Variants in ARHGAP39 observed in about 807,000 individuals in gnomAD.
The protein encoded by ARHGAP39 is rho GTPase-activating protein 39.
ARHGAP39 carries 44 observed loss-of-function variants against 106.9 expected under a neutral mutation model. That is an observed-to-expected ratio of 0.41 (90% confidence interval 0.32 to 0.53). ARHGAP39 has a LOEUF of 0.53. Among genes scored for constraint, ARHGAP39 ranks in the 20% least tolerant of loss-of-function variants. The pLI, the probability that ARHGAP39 is intolerant of heterozygous loss-of-function variation, is 0.21. For synonymous variants in ARHGAP39, 768 were observed against 693.2 expected (o/e 1.11, Z -1.69); for missense variants, 1,496 against 1,577.3 (o/e 0.95, Z 0.87).
At chr8:144,533,684 G>A (rs563566894) in intron 8 of ARHGAP39, among the ~76,000 whole-genome samples, 1 of 152,366 alleles carries the variant, frequency 6.6e-6, no homozygotes, top group East Asian at 1.9e-4. Flanking sequence ...GTCCTGGGCC[G>A]GCCAGGGCTG....
rs1816616995 is a variant in ARHGAP39 at position 144,530,173 on chromosome 8, C to A, written c.*249G>T. ...GAGCTGACCCGCGGCCAGCGGAGGG[C>A]GAGGCGGTGCCCGCGGGAACTGGCC... On this transcript the variant is annotated 3_prime_UTR_variant, in exon 12 of 12. Transcript: ENST00000377307. 2 of 528,638 alleles carry A rather than the reference C, an allele frequency of 3.8e-6. No individual in the cohort carries two copies. Among genetic ancestry groups the A allele is most frequent in the Admixed American group, 3.4e-5 (1 of 29,110 alleles). The allele number at this position is 528,638 out of a possible 1,614,324, so 32.7% of individuals were successfully genotyped here. A position where few individuals can be genotyped will look rare whatever the true frequency, so the allele number is the denominator to read the frequency against.
At chr8:144,663,922 G>A (rs889511776) in intron 1 of ARHGAP39, among the ~76,000 whole-genome samples, 2 of 152,176 alleles carry the variant, frequency 1.3e-5, no homozygotes, top group Admixed American at 6.5e-5. Context: ...ATCCCAGCAC[G>A]CTGGGTGGCT....
chr8:144,590,670 G>A lies in ARHGAP39; in HGVS notation c.81-9393C>T, dbSNP rs181329051. On this transcript the variant is annotated intron_variant, in intron 2 of 11. Coordinates refer to ENST00000377307, the MANE Select transcript of ARHGAP39 (RefSeq NM_025251.3). Reference sequence around the variant, plus strand: ...CGAGTGACTGCAAGGCCAGCCTGCAGAAGGCTGGGGGGGCAGCGGTCACCA... The same window carrying A: ...CGAGTGACTGCAAGGCCAGCCTGCAAAAGGCTGGGGGGGCAGCGGTCACCA... Among the ~76,000 whole-genome samples, 811 of 152,298 alleles carry A rather than the reference G, an allele frequency of 5.3e-3. 5 individuals are homozygous for A. The highest frequency in any genetic ancestry group is 0.023 in the South Asian group (109 of 4,828).
At chr8:144,615,926 T>C (rs930159125) in intron 1 of ARHGAP39, among the ~76,000 whole-genome samples, 3 of 152,166 alleles carry the variant, frequency 2.0e-5, no homozygotes, top group Admixed American at 2.0e-4. Context: ...CAGGCCAGGT[T>C]GAGGGGTTTA....
In ARHGAP39 at chr8:144,555,083, C is replaced by T. The variant is rs532557360; in HGVS notation, c.596+477G>A. On this transcript the variant is annotated intron_variant, in intron 4 of 11. Transcript: ENST00000377307. Reference sequence around the variant, plus strand: ...TGGGAGGTGGAGGGAGCGTCCTGCCCGCCCAGCGTGAAGGCAGTAGGGTCT... The same window carrying T: ...TGGGAGGTGGAGGGAGCGTCCTGCCTGCCCAGCGTGAAGGCAGTAGGGTCT... Among the ~76,000 whole-genome samples, 8 of 152,326 alleles carry T rather than the reference C, an allele frequency of 5.3e-5. No individual in the cohort carries two copies. The South Asian group carries it at 8.3e-4, about 16-fold the overall frequency.
chr8:144,533,437 T>G, intron 8 of ARHGAP39, 112 bp from the exon 9 acceptor site: 1 of 1,060,228 alleles, frequency 9.4e-7, no homozygotes, highest in Non-Finnish European at 1.4e-6. Context: ...TCAGAATTCC[T>G]GCCCCACACA....
Position 144,679,804 on chromosome 8 carries a change from C to T in ARHGAP39, c.-82+5882G>A, listed in dbSNP as rs1822345504. On this transcript the variant is annotated intron_variant, in intron 1 of 11. Transcript: ENST00000377307. The surrounding 1 kb of genome is among the most constrained non-coding windows in gnomAD (Gnocchi z 4.7). ...GACCATCCTGGCTAACACAGTGAAACCCCGTGTCTACTAAAAACACAAAAA... is the reference window on the plus strand; with the variant it reads ...GACCATCCTGGCTAACACAGTGAAATCCCGTGTCTACTAAAAACACAAAAA... 6.6e-6 allele frequency among the ~76,000 whole-genome samples: 1 copy of T among 152,118 alleles called. No individual in the cohort carries two copies. The highest frequency in any genetic ancestry group is 6.5e-5 in the Admixed American group (1 of 15,268).
At chr8:144,539,290 A>G (rs1817094267) in intron 6 of ARHGAP39, among the ~76,000 whole-genome samples, 1 of 152,098 alleles carries the variant, frequency 6.6e-6, no homozygotes, top group African/African-American at 2.4e-5. Context: ...AGAGCTAAAC[A>G]TGGCCTCTAA....
intron 1 of ARHGAP39, among the ~76,000 whole-genome samples, chr8:144,656,807 C>CAAAAAAAAAAAAAA (rs35058065): frequency 2.4e-5 from 1 of 42,348 alleles, no homozygotes. Flanking sequence ...GACTCCATCT[C>CAAAAAAAAAAAAAA]AAAAAAAAAA....
At chr8:144,687,894 T>C (rs1822661452), upstream of ARHGAP39, among the ~76,000 whole-genome samples, 3 of 148,624 alleles carry the variant, frequency 2.0e-5, no homozygotes, top group Admixed American at 2.0e-4. Context: ...CAGTGAACAC[T>C]TCCCACCCCG....
intron 2 of ARHGAP39, among the ~76,000 whole-genome samples, chr8:144,587,716 G>A (rs1445874597): frequency 4.6e-5 from 7 of 150,952 alleles, no homozygotes; most frequent in East Asian, 2.0e-4. Context: ...GTGCGGTGGC[G>A]CGATCTCGGC....
chr8:144,557,167 G>C (rs79575375), intron 3 of ARHGAP39, among the ~76,000 whole-genome samples: 6 of 72,422 alleles, frequency 8.3e-5, no homozygotes, highest in South Asian at 5.0e-4. Context: ...CTGAACCTTC[G>C]TAGTATTCAG....
intron 1 of ARHGAP39, among the ~76,000 whole-genome samples, chr8:144,655,221 G>C (rs1317366856): frequency 6.6e-6 from 1 of 152,152 alleles, no homozygotes; most frequent in Non-Finnish European, 1.5e-5. Flanking sequence ...CCATGGACTG[G>C]AGTGGGAAGT....
rs372161262 is a variant in ARHGAP39 at position 144,643,606 on chromosome 8, C to T, written c.-81-37911G>A. On this transcript the variant is annotated intron_variant, in intron 1 of 11. Transcript: ENST00000377307. ...TCCTCACCTTCCCCTGGGACCTCAA[C>T]TCTGATACTCTGGTCTATGCCTCCA... is the stretch of plus-strand genomic sequence containing the variant. 8.5e-5 allele frequency among the ~76,000 whole-genome samples: 13 copies of T among 152,298 alleles called. No homozygotes were observed. In the South Asian group the frequency reaches 2.5e-3, roughly 29 times the overall value.
chr8:144,619,854 G>A (rs1370424645), intron 1 of ARHGAP39, among the ~76,000 whole-genome samples: 1 of 148,882 alleles, frequency 6.7e-6, no homozygotes, highest in African/African-American at 2.5e-5. Context: ...GCGAGCTTGT[G>A]TGTCCGAGAG....
In ARHGAP39 at chr8:144,600,174, T is replaced by G. The variant is rs116449302; in HGVS notation, c.80+5361A>C. ...ACCTGTGTGTGTGCGTGGAGGCGTGTGTGCGCACTTGTGTACCTACCTGCG... is the reference window on the plus strand; with the variant it reads ...ACCTGTGTGTGTGCGTGGAGGCGTGGGTGCGCACTTGTGTACCTACCTGCG... On this transcript the variant is annotated intron_variant, in intron 2 of 11. Transcript: ENST00000377307. Among the ~76,000 whole-genome samples, 599 of 144,706 alleles carry G rather than the reference T, an allele frequency of 4.1e-3. 10 individuals are homozygous for G. The highest frequency in any genetic ancestry group is 0.014 in the African/African-American group (555 of 38,894). 94.9% of individuals were successfully genotyped at this position (144,706 alleles called of 152,430 possible).
At chr8:144,690,978 T>C in the ARHGAP39 span, among the ~76,000 whole-genome samples, 1 of 152,128 alleles carries the variant, frequency 6.6e-6, no homozygotes, top group African/African-American at 2.4e-5. Context: ...TTTAAAAAAA[T>C]TGAGTTTCTG....
At chr8:144,665,772 C>T (rs1419904730) in intron 1 of ARHGAP39, among the ~76,000 whole-genome samples, 5 of 152,218 alleles carry the variant, frequency 3.3e-5, no homozygotes, top group Admixed American at 2.6e-4. Flanking sequence ...GATGCCCAGG[C>T]AGAAGTTTGC....
At chr8:144,618,214 C>T (rs1405552720) in intron 1 of ARHGAP39, among the ~76,000 whole-genome samples, 1 of 152,248 alleles carries the variant, frequency 6.6e-6, no homozygotes, top group African/African-American at 2.4e-5. Flanking sequence ...CCACCCGAGC[C>T]CAGTGCCCCT....
Sources: gnomAD v4.1 joint callset for allele counts (sites outside exome capture counted in the v4.1 genomes callset) on GRCh38, gnomAD v4.1.1 for gene constraint, Gnocchi (gnomAD v3.1) non-coding constraint, MANE v1.5 for transcripts, NCBI Gene and HGNC (gene_info 2026-07-23, HGNC 2026-07-21) for gene names.